Variants in PCDH7 observed in about 807,000 individuals in gnomAD.
The protein encoded by PCDH7 is protocadherin 7.
In PCDH7, 17 loss-of-function variants were observed where a neutral mutation model predicts 58.9. The observed-to-expected ratio is 0.29, with a 90% CI of 0.20 to 0.43. The LOEUF is 0.43. Among genes scored for constraint, PCDH7 ranks in the 20% least tolerant of loss-of-function variants. The pLI is 1.00. For missense variants in PCDH7, 1,274 were observed against 1,441.0 expected, an observed-to-expected ratio of 0.88 and a Z score of 1.88; for synonymous variants, 664 against 616.4, an observed-to-expected ratio of 1.08 and a Z score of -1.14.
At chr4:31,067,294 AG>A (rs746411076) in intron 3 of PCDH7, among the ~76,000 whole-genome samples, 2 of 150,804 alleles carry the variant, frequency 1.3e-5, no homozygotes, top group Non-Finnish European at 3.0e-5. Context: ...CCACTGTTCC[AG>A]GGATGTCTAG....
intron 3 of PCDH7, among the ~76,000 whole-genome samples, chr4:31,130,049 C>G (rs971848536): frequency 3.3e-5 from 5 of 152,024 alleles, no homozygotes; most frequent in Admixed American, 2.0e-4. Flanking sequence ...ACAAAAATGC[C>G]ATAAATCCTA....
chr4:31,121,470 C>T (rs1030320667), intron 3 of PCDH7, among the ~76,000 whole-genome samples: 3 of 152,066 alleles, frequency 2.0e-5, no homozygotes, highest in Non-Finnish European at 4.4e-5. Context: ...TATTTAAGTC[C>T]GATATCCTGT....
intron 1 of PCDH7, among the ~76,000 whole-genome samples, chr4:30,907,317 G>A (rs977816001): frequency 4.6e-5 from 7 of 152,094 alleles, no homozygotes; most frequent in African/African-American, 1.4e-4. Flanking sequence ...GAGTGAACAG[G>A]CAACCTACAG....
chr4:30,872,910 C>T (rs768991065), intron 1 of PCDH7, among the ~76,000 whole-genome samples: 1 of 152,108 alleles, frequency 6.6e-6, no homozygotes, highest in Non-Finnish European at 1.5e-5. Context: ...TGTCAAGAAT[C>T]AGACCAGTTC....
At chr4:30,955,194 C>T (rs1747724519) in intron 3 of PCDH7, among the ~76,000 whole-genome samples, 1 of 151,962 alleles carries the variant, frequency 6.6e-6, no homozygotes. Context: ...GTTTGGTGCT[C>T]TTAAGGAAGA....
intron 3 of PCDH7, among the ~76,000 whole-genome samples, chr4:31,126,993 A>G (rs1298240021): frequency 6.6e-6 from 1 of 152,220 alleles, no homozygotes; most frequent in Non-Finnish European, 1.5e-5. Flanking sequence ...TTCATTGCTC[A>G]CATGGGAAAA....
At chr4:31,102,695 T>C (rs1366534584) in intron 3 of PCDH7, among the ~76,000 whole-genome samples, 3 of 151,910 alleles carry the variant, frequency 2.0e-5, no homozygotes, top group African/African-American at 4.8e-5. Flanking sequence ...AAAAATCTTA[T>C]GAAAGGTGTA....
chr4:31,029,785 G>A (rs1560587661), intron 3 of PCDH7, among the ~76,000 whole-genome samples: 1 of 152,154 alleles, frequency 6.6e-6, no homozygotes, highest in Admixed American at 6.5e-5. Context: ...GATCTGGTAT[G>A]AAGCCCTTAG....
intron 3 of PCDH7, among the ~76,000 whole-genome samples, chr4:31,037,894 T>C (rs536784129): frequency 1.3e-5 from 2 of 152,360 alleles, no homozygotes; most frequent in East Asian, 3.9e-4. Context: ...GACAGGTCTA[T>C]GTGACAAGTG....
At chr4:30,752,461 T>G (rs749728279) in intron 1 of PCDH7, among the ~76,000 whole-genome samples, 2 of 152,212 alleles carry the variant, frequency 1.3e-5, no homozygotes, top group Non-Finnish European at 2.9e-5. Flanking sequence ...AGCTACCTGG[T>G]GTCTCCTCTT....
chr4:31,073,767 TTTAG>T (rs1158135576), intron 3 of PCDH7, among the ~76,000 whole-genome samples: 31 of 152,302 alleles, frequency 2.0e-4, no homozygotes, highest in African/African-American at 7.2e-4. Flanking sequence ...TAGTATTTAT[TTTAG>T]TTAAATATGT....
intron 1 of PCDH7, among the ~76,000 whole-genome samples, chr4:30,781,698 G>C (rs139305806): frequency 6.6e-6 from 1 of 151,810 alleles, no homozygotes; most frequent in Non-Finnish European, 1.5e-5. Flanking sequence ...CACCATGCCC[G>C]GCTAATTTTG....
rs114057110 is a variant in PCDH7, at chr4:31,140,621, A to G, written c.*8-1852A>G. Among the ~76,000 whole-genome samples the G allele has an allele frequency of 5.5e-3, 835 of 151,620 alleles. 6 individuals carry two copies. Among genetic ancestry groups the G allele is most frequent in the African/African-American group, 0.018 (762 of 41,470 alleles). The stretch of plus-strand genomic sequence containing the variant: ...TTTAGGTCAGGTTAAAAAAAAAAAA[A>G]AAAGAAAAGAAAAAAGGATCCCAAA... On this transcript the variant is annotated intron_variant, in intron 3 of 3. Coordinates refer to the PCDH7 transcript ENST00000509759.
chr4:30,813,751 C>G (rs1560396886), intron 1 of PCDH7, among the ~76,000 whole-genome samples: 1 of 152,134 alleles, frequency 6.6e-6, no homozygotes. Flanking sequence ...AAGCAATTTT[C>G]TTGCCTCAGC....
At chr4:31,087,179 T>G in intron 3 of PCDH7, among the ~76,000 whole-genome samples, 1 of 152,186 alleles carries the variant, frequency 6.6e-6, no homozygotes, top group African/African-American at 2.4e-5. Context: ...GTAGTCACCC[T>G]GTTCGAATAA....
chr4:31,012,173 G>A (rs998070117), intron 3 of PCDH7, among the ~76,000 whole-genome samples: 8 of 151,904 alleles, frequency 5.3e-5, no homozygotes, highest in South Asian at 2.1e-4. Flanking sequence ...TCCATCTCTC[G>A]GGTTTGATTT....
intron 1 of PCDH7, among the ~76,000 whole-genome samples, chr4:30,754,240 C>T (rs868521404): frequency 6.6e-6 from 1 of 151,724 alleles, no homozygotes; most frequent in Non-Finnish European, 1.5e-5. Context: ...TTAGCCTCCA[C>T]CATGACTCAT....
chr4:30,755,785 TA>T (rs1228091408), intron 1 of PCDH7, among the ~76,000 whole-genome samples: 1 of 151,962 alleles, frequency 6.6e-6, no homozygotes, highest in East Asian at 1.9e-4. Flanking sequence ...TGTACTGCAT[TA>T]AAACATGGTG....
At chr4:30,760,850 A>G (rs4505780) in intron 1 of PCDH7, among the ~76,000 whole-genome samples, 82,263 of 151,970 alleles carry the variant, frequency 0.54, 22,902 homozygotes, top group African/African-American at 0.67. Flanking sequence ...ACACAGACAC[A>G]TCTCCAAGAG....
Sources: allele counts gnomAD v4.1 joint callset (sites outside exome capture counted in the v4.1 genomes callset), GRCh38; gene constraint gnomAD v4.1.1; transcripts MANE v1.5; gene names NCBI Gene and HGNC (gene_info 2026-07-23, HGNC 2026-07-21).